The following TNPO1 variants were observed in gnomAD, a reference collection of about 807,000 sequenced individuals.
The protein encoded by TNPO1 is transportin-1.
In TNPO1, 8 loss-of-function variants were observed where a neutral mutation model predicts 119.5. The ratio of observed to expected loss-of-function variants is 0.07; its 90% CI spans 0.04 to 0.12. TNPO1 has a LOEUF of 0.12. Among genes scored for constraint, TNPO1 ranks in the 10% least tolerant of loss-of-function variants. The probability of loss-of-function intolerance (pLI) is 1.00; values close to 1 mark genes in which losing one functional copy is unlikely to be tolerated. For missense variants in TNPO1, 576 were observed against 1,089.8 expected, an observed-to-expected ratio of 0.53 and a Z score of 6.64; for synonymous variants, 362 against 363.0, an observed-to-expected ratio of 1.00 and a Z score of 0.03.
chr5:72,857,004 G>A (rs529003775), intron 4 of TNPO1, among the ~76,000 whole-genome samples: 15 of 152,262 alleles, frequency 9.9e-5, no homozygotes, highest in African/African-American at 3.6e-4. Context: ...ATGAAAGTCC[G>A]TTAAATGAGT....
chr5:72,891,907 C>T lies in TNPO1; in HGVS notation c.1788+11C>T. ...TTCCCTTTACTTGAGGTATGCAGGG[C>T]TAGTAATATTTAATCTGTTGCCAAG... is the stretch of plus-strand genomic sequence containing the variant. On this transcript the variant is annotated intron_variant, in intron 15 of 24. Transcript: ENST00000337273. The T allele has an allele frequency of 6.3e-7, 1 of 1,594,238 alleles. No individual in the cohort carries two copies. The highest frequency in any genetic ancestry group is 8.6e-7 in the Non-Finnish European group (1 of 1,168,306).
chr5:72,856,501 G>A (rs1386810902), intron 4 of TNPO1, among the ~76,000 whole-genome samples: 5 of 151,790 alleles, frequency 3.3e-5, no homozygotes, highest in Non-Finnish European at 7.4e-5. Flanking sequence ...CCAAAGTGCT[G>A]AGATTACAGG....
chr5:72,859,705 C>T (rs1746279697), intron 4 of TNPO1, among the ~76,000 whole-genome samples: 1 of 152,216 alleles, frequency 6.6e-6, no homozygotes, highest in African/African-American at 2.4e-5. Flanking sequence ...TGAATATTCT[C>T]TTGTGTATGT....
intron 5 of TNPO1, among the ~76,000 whole-genome samples, chr5:72,863,454 G>A (rs1337064182): frequency 3.3e-5 from 5 of 151,960 alleles, no homozygotes; most frequent in Admixed American, 3.3e-4. Flanking sequence ...CAGGTGTGAT[G>A]TGTGCCTGTG....
intron 5 of TNPO1, among the ~76,000 whole-genome samples, chr5:72,863,295 C>A (rs371495003): frequency 2.0e-5 from 3 of 152,168 alleles, no homozygotes; most frequent in Admixed American, 6.5e-5. Flanking sequence ...AACAAAAAAA[C>A]CCCACAGGAA....
intron 10 of TNPO1, 43 bp from the exon 11 acceptor site, chr5:72,883,021 C>T (rs767553287): frequency 1.4e-6 from 2 of 1,396,960 alleles, no homozygotes; most frequent in Admixed American, 1.7e-5. Flanking sequence ...TACTATTAGC[C>T]TATAATGAAT....
chr5:72,873,704 T>C (rs558802710), intron 7 of TNPO1, among the ~76,000 whole-genome samples: 2 of 152,248 alleles, frequency 1.3e-5, no homozygotes, highest in Admixed American at 6.5e-5. Context: ...TGGAGTAGAC[T>C]ATTGGTGTTC....
chr5:72,872,479 A>G (rs1330509559), intron 6 of TNPO1, among the ~76,000 whole-genome samples, 160 bp from the exon 7 acceptor site: 1 of 152,206 alleles, frequency 6.6e-6, no homozygotes, highest in Non-Finnish European at 1.5e-5. Context: ...TATATCATTC[A>G]AATTCTTTCC....
intron 11 of TNPO1, among the ~76,000 whole-genome samples, chr5:72,884,553 A>T (rs891663317): frequency 3.9e-5 from 6 of 152,172 alleles, no homozygotes; most frequent in African/African-American, 1.2e-4. Context: ...TATGCTTCTT[A>T]AAATATGTTA....
Position 72,903,736 on chromosome 5 carries a change from G to A in TNPO1, c.2542G>A (p.Ala848Thr). The A allele has an allele frequency of 6.2e-7, 1 of 1,606,402 alleles. No individual in the cohort carries two copies. The highest frequency in any genetic ancestry group is 8.5e-7 in the Non-Finnish European group (1 of 1,176,596). Residue 848 changes from alanine to threonine, a missense_variant, in exon 23 of 25, where the codon GCA becomes ACA. Ala to Thr is a moderately conservative substitution (Grantham distance 58). Around this residue, in one of 6 missense-constraint regions of TNPO1, gnomAD observed 162 missense variants for 294.1 expected, o/e 0.55. Transcript: ENST00000337273. Reference protein sequence around the residue: ...QDFIFFCDAVASWINPKDDLR... With the variant: ...QDFIFFCDAVTSWINPKDDLR... Reference sequence around the variant, plus strand: ...TTTTATATTTTTTTGTGATGCCGTTGCATCATGGATTAACCCAAAAGATGA... The same window carrying A: ...TTTTATATTTTTTTGTGATGCCGTTACATCATGGATTAACCCAAAAGATGA...
chr5:72,891,564 A>G (rs1305946356), intron 14 of TNPO1, among the ~76,000 whole-genome samples: 1 of 152,138 alleles, frequency 6.6e-6, no homozygotes, highest in East Asian at 1.9e-4. Context: ...TTTTTCAACA[A>G]GGATAAAAGA....
chr5:72,907,520 A>G (rs1002526656), intron 24 of TNPO1, among the ~76,000 whole-genome samples: 12 of 152,208 alleles, frequency 7.9e-5, no homozygotes, highest in African/African-American at 2.9e-4. Context: ...ACGTTCATAA[A>G]TGGCCAAAAC....
chr5:72,838,175 CTGT>C (rs1284050677), intron 1 of TNPO1, among the ~76,000 whole-genome samples: 1 of 152,172 alleles, frequency 6.6e-6, no homozygotes, highest in Non-Finnish European at 1.5e-5. Context: ...AAATACAGTG[CTGT>C]GTTCCTTTTT....
chr5:72,841,913 G>A (rs1395368948), intron 1 of TNPO1, among the ~76,000 whole-genome samples: 1 of 149,874 alleles, frequency 6.7e-6, no homozygotes, highest in Non-Finnish European at 1.5e-5. Context: ...GAGATTTTCT[G>A]TGGAAGTCTA....
At chr5:72,835,337 T>C (rs1405742201) in intron 1 of TNPO1, among the ~76,000 whole-genome samples, 2 of 152,200 alleles carry the variant, frequency 1.3e-5, no homozygotes, top group African/African-American at 4.8e-5. Flanking sequence ...TCTGTTGCTG[T>C]TGCAAAATAC....
chr5:72,819,380 G>A (rs777074282), intron 1 of TNPO1, among the ~76,000 whole-genome samples: 6 of 152,192 alleles, frequency 3.9e-5, no homozygotes, highest in Non-Finnish European at 8.8e-5. Flanking sequence ...GTGGATGTTA[G>A]TTAGGAGAGG....
intron 18 of TNPO1, among the ~76,000 whole-genome samples, chr5:72,895,004 C>T (rs1455629712): frequency 6.6e-6 from 1 of 152,182 alleles, no homozygotes; most frequent in East Asian, 1.9e-4. Context: ...ACTGTCCAGT[C>T]CTGTTTCCTA....
intron 3 of TNPO1, among the ~76,000 whole-genome samples, chr5:72,855,080 C>CT (rs1745879381): frequency 6.6e-6 from 1 of 151,988 alleles, no homozygotes; most frequent in Non-Finnish European, 1.5e-5. Context: ...CTTGCAGCCT[C>CT]TGCCTTCTGA....
At chr5:72,872,774 G>T in intron 7 of TNPO1, 54 bp downstream of exon 7, 3 of 1,152,820 alleles carry the variant, frequency 2.6e-6, no homozygotes, top group South Asian at 3.0e-5. Flanking sequence ...TTTTTGAGAA[G>T]GTTAGGTGAT....
Sources: allele counts gnomAD v4.1 joint callset (sites outside exome capture counted in the v4.1 genomes callset), GRCh38; gene constraint gnomAD v4.1.1; regional missense constraint gnomAD v4.1.1; transcripts MANE v1.5; gene names NCBI Gene and HGNC (gene_info 2026-07-23, HGNC 2026-07-21).